Variants in TCF20 observed in about 807,000 individuals in gnomAD.
The protein encoded by TCF20 is SPRE-binding protein.
Under a neutral mutation model 148.6 loss-of-function variants are expected in TCF20, and 3 were observed. The observed-to-expected ratio is 0.02, with a 90% CI of 0.01 to 0.05. The LOEUF is 0.05. TCF20 is among the 10% of genes least tolerant of loss of function. TCF20 has a pLI of 1.00. For synonymous variants in TCF20, 1,049 were observed against 909.5 expected (o/e 1.15, Z -2.76); for missense variants, 2,350 against 2,429.3 (o/e 0.97, Z 0.69).
chr22:42,243,336 C>T (rs1255190520), intron 1 of TCF20, among the ~76,000 whole-genome samples: 1 of 125,144 alleles, frequency 8.0e-6, no homozygotes, highest in Admixed American at 8.5e-5. Context: ...GGCATGATGG[C>T]TCACGCCTGT....
intron 2 of TCF20, among the ~76,000 whole-genome samples, chr22:42,195,124 C>A (rs1026193363): frequency 8.0e-5 from 12 of 149,116 alleles, no homozygotes; most frequent in Non-Finnish European, 1.8e-4. Context: ...TCTTGGGAGA[C>A]CCTGGAGGAA....
chr22:42,304,428 C>A (rs921131274), intron 1 of TCF20, among the ~76,000 whole-genome samples: 1 of 152,146 alleles, frequency 6.6e-6, no homozygotes, highest in Non-Finnish European at 1.5e-5. Context: ...CAGCCCTGGG[C>A]AGCCAGCCCC....
chr22:42,249,844 T>C (rs972204623), intron 1 of TCF20, among the ~76,000 whole-genome samples: 3 of 152,262 alleles, frequency 2.0e-5, no homozygotes, highest in African/African-American at 7.2e-5. Context: ...GAGATATAAA[T>C]TGTGTAGAGA....
intron 1 of TCF20, among the ~76,000 whole-genome samples, chr22:42,245,431 G>A (rs1324849078): frequency 5.3e-5 from 8 of 152,080 alleles, no homozygotes; most frequent in Non-Finnish European, 1.2e-4. Context: ...AACATGAAAC[G>A]TGGAAGAACA....
chr22:42,242,765 T>A (rs1489282942), intron 1 of TCF20, among the ~76,000 whole-genome samples: 1 of 151,806 alleles, frequency 6.6e-6, no homozygotes, highest in African/African-American at 2.4e-5. Flanking sequence ...TGGGCACCTG[T>A]AATCCCAGCT....
chr22:42,324,524 C>T (rs534939607), intron 1 of TCF20, among the ~76,000 whole-genome samples: 1 of 151,864 alleles, frequency 6.6e-6, no homozygotes, highest in Non-Finnish European at 1.5e-5. Context: ...ATAAAATAAT[C>T]TCCACCAACC....
intron 2 of TCF20, among the ~76,000 whole-genome samples, chr22:42,206,373 T>C (rs975549843): frequency 3.9e-5 from 6 of 151,978 alleles, no homozygotes; most frequent in Non-Finnish European, 5.9e-5. Flanking sequence ...CTGGCCAACA[T>C]GGTGAAACCC....
chr22:42,316,647 A>G (rs1465592330), intron 1 of TCF20, among the ~76,000 whole-genome samples: 1 of 100,488 alleles, frequency 1.0e-5, no homozygotes, highest in African/African-American at 5.3e-5. Context: ...CATGTTGGCC[A>G]GGCTGGTCCT....
chr22:42,336,023 G>A (rs1928061433), intron 1 of TCF20, among the ~76,000 whole-genome samples: 1 of 152,224 alleles, frequency 6.6e-6, no homozygotes, highest in Admixed American at 6.5e-5. Flanking sequence ...CACCATGCAG[G>A]CTGCAACCTG....
At chr22:42,253,945 G>A (rs913519441) in intron 1 of TCF20, among the ~76,000 whole-genome samples, 16 of 151,976 alleles carry the variant, frequency 1.1e-4, no homozygotes, top group African/African-American at 2.2e-4. Flanking sequence ...GTGTAGTGGC[G>A]CATGCCTGTA....
intron 1 of TCF20, among the ~76,000 whole-genome samples, chr22:42,310,392 G>A (rs1349333396): frequency 6.8e-6 from 1 of 146,348 alleles, no homozygotes; most frequent in African/African-American, 2.5e-5. Context: ...GACAGACAGT[G>A]AGAGACTCTC....
At chr22:42,310,860 C>T (rs1010765701) in intron 1 of TCF20, among the ~76,000 whole-genome samples, 3 of 152,216 alleles carry the variant, frequency 2.0e-5, no homozygotes, top group Non-Finnish European at 4.4e-5. Context: ...CTGGGCCGCC[C>T]GCCTGCCCGC....
At chr22:42,339,486 T>C (rs1427609120) in intron 1 of TCF20, among the ~76,000 whole-genome samples, 1 of 152,182 alleles carries the variant, frequency 6.6e-6, no homozygotes, top group African/African-American at 2.4e-5. Flanking sequence ...AACCCAGCAT[T>C]CTCTGGGCAG....
chr22:42,162,619 G>C (rs1269907149), intron 5 of TCF20, among the ~76,000 whole-genome samples: 1 of 152,206 alleles, frequency 6.6e-6, no homozygotes, highest in Non-Finnish European at 1.5e-5. Flanking sequence ...AGTGGTGGCA[G>C]CCTTGCCCCT....
chr22:42,316,635 A>G (rs1601704292), intron 1 of TCF20, among the ~76,000 whole-genome samples: 4 of 140,832 alleles, frequency 2.8e-5, no homozygotes, highest in African/African-American at 1.1e-4. Context: ...ACGGGGTTTC[A>G]CCATGTTGGC....
At position 42,213,420 on chromosome 22, in the gene TCF20, T is replaced by A; in HGVS notation, c.1886A>T (p.Glu629Val). 1 of 1,614,204 alleles carries A rather than the reference T, an allele frequency of 6.2e-7. No homozygotes were observed. Residue 629 changes from glutamate to valine, a missense_variant, in exon 2 of 6, where the codon GAG becomes GTG. By Grantham distance (121) the Glu-to-Val change is moderately radical. Around this residue, in one of 7 missense-constraint regions of TCF20, gnomAD observed 1,641 missense variants for 1,662.6 expected, o/e 0.99. Coordinates refer to ENST00000677622, the MANE Select transcript of TCF20 (RefSeq NM_001378418.1). The stretch of plus-strand genomic sequence containing the variant: ...CCTTTGAGTGGCTGCAGGATCATCC[T>A]CTTGGGAGCCTTTATCTTGTCCACC... Reference protein sequence around the residue: ...KPGGQDKGSQEDDPAATQRPP... With the variant: ...KPGGQDKGSQVDDPAATQRPP...
intron 1 of TCF20, among the ~76,000 whole-genome samples, chr22:42,289,870 C>G (rs1927100963): frequency 6.6e-6 from 1 of 152,222 alleles, no homozygotes; most frequent in Non-Finnish European, 1.5e-5. Context: ...TTTCCCATTC[C>G]AAACATGCCA....
chr22:42,192,765 A>AC (rs1937399964), intron 2 of TCF20, among the ~76,000 whole-genome samples: 1 of 152,196 alleles, frequency 6.6e-6, no homozygotes, highest in Non-Finnish European at 1.5e-5. Flanking sequence ...GGTCACTCCC[A>AC]CAGGTCATGC....
At position 42,210,635 on chromosome 22, in the gene TCF20, C is replaced by T. The variant is rs1271766029; in HGVS notation, c.4671G>A (p.Pro1557=). ...TCTGTGGGGGCTGAGGGGGTGGAGG[C>T]GGTGGCTGCTGCTGTTTCTTTTGCT... The part of the protein sequence containing the change: ...VNKQKKQQQP[P]PPPPQPPQIP... Residue 1557 remains proline, a synonymous_variant, in exon 2 of 6, where the codon CCG becomes CCA. Transcript: ENST00000677622. The surrounding 1 kb of genome is among the most constrained non-coding windows in gnomAD (Gnocchi z 4.7). 3.1e-6 allele frequency: 5 copies of T among 1,614,156 alleles called. No individual in the cohort carries two copies. Among genetic ancestry groups the T allele is most frequent in the East Asian group, 4.5e-5 (2 of 44,886 alleles).
Sources: gnomAD v4.1 joint callset for allele counts (sites outside exome capture counted in the v4.1 genomes callset) on GRCh38, gnomAD v4.1.1 for gene constraint, gnomAD v4.1.1 regional missense constraint, Gnocchi (gnomAD v3.1) non-coding constraint, MANE v1.5 for transcripts, NCBI Gene and HGNC (gene_info 2026-07-23, HGNC 2026-07-21) for gene names.